KLRG1: variants seen among roughly 807,000 people sequenced by gnomAD.
The protein encoded by KLRG1 is killer cell lectin like receptor G1, also known as killer cell lectin-like receptor subfamily G member 1.
Under a neutral mutation model 21.8 loss-of-function variants are expected in KLRG1, and 16 were observed. That is an observed-to-expected ratio of 0.73 (90% CI 0.50 to 1.11). KLRG1 has a LOEUF of 1.11. KLRG1 is among the 50% of genes most tolerant of loss of function. The probability of loss-of-function intolerance (pLI) is 0.00; values close to 1 mark genes in which losing one functional copy is unlikely to be tolerated. For missense variants in KLRG1, 173 were observed against 218.3 expected (o/e 0.79, Z 1.31); for synonymous variants, 69 against 75.9 (o/e 0.91, Z 0.47).
At chr12:9,071,491 G>T in the KLRG1 span, among the ~76,000 whole-genome samples, 1 of 151,904 alleles carries the variant, frequency 6.6e-6, no homozygotes, top group African/African-American at 2.4e-5. Flanking sequence ...TTGTTATATA[G>T]GTAAACTCGT....
intron 3 of KLRG1, among the ~76,000 whole-genome samples, chr12:9,000,661 C>T (rs10400563): frequency 0.7 from 106,224 of 152,080 alleles, 37,641 homozygotes; most frequent in Admixed American, 0.75. Context: ...TCACTTAGAA[C>T]ACTGTTTTCA....
the KLRG1 span, among the ~76,000 whole-genome samples, chr12:9,037,519 GA>G: frequency 1.8e-4 from 28 of 152,132 alleles, no homozygotes; most frequent in African/African-American, 6.3e-4. Flanking sequence ...TAAACTTTAT[GA>G]AAAAAATTTT....
the KLRG1 span, chr12:9,153,354 C>T: frequency 3.5e-4 from 554 of 1,605,218 alleles, no homozygotes; most frequent in Middle Eastern, 5.4e-4. Context: ...CTGGAAGAGA[C>T]GAGTGGACAA....
chr12:9,049,904 A>G, the KLRG1 span, among the ~76,000 whole-genome samples: 4 of 152,204 alleles, frequency 2.6e-5, no homozygotes, highest in African/African-American at 9.7e-5. Flanking sequence ...GTATCAGTAT[A>G]TGTCTTTCAG....
At chr12:9,191,832 AT>A in the KLRG1 span, among the ~76,000 whole-genome samples, 1 of 152,118 alleles carries the variant, frequency 6.6e-6, no homozygotes, top group African/African-American at 2.4e-5. Flanking sequence ...CCCATTTCCC[AT>A]GATAATTACT....
the KLRG1 span, among the ~76,000 whole-genome samples, chr12:9,195,611 A>ATTTT: frequency 3.9e-4 from 41 of 104,224 alleles, no homozygotes; most frequent in African/African-American, 5.8e-4. Context: ...CCCACTGCTA[A>ATTTT]TTTTTTTTTT....
chr12:8,951,181 A>G (rs750454451), intron 1 of KLRG1, among the ~76,000 whole-genome samples: 25 of 152,078 alleles, frequency 1.6e-4, no homozygotes, highest in African/African-American at 5.8e-4. Context: ...CCTTTTTTCA[A>G]AAATGTATCA....
At chr12:9,095,207 A>G in the KLRG1 span, 1 of 548,420 alleles carries the variant, frequency 1.8e-6, no homozygotes, top group Non-Finnish European at 3.1e-6. Flanking sequence ...TAACATTCAC[A>G]TCTGTAGAAG....
chr12:9,162,439 C>A, the KLRG1 span: 9 of 610,824 alleles, frequency 1.5e-5, no homozygotes, highest in East Asian at 2.3e-4. Context: ...GGCTCAATGT[C>A]TTCATCTGTA....
the KLRG1 span, chr12:9,116,040 G>A: frequency 1.6e-6 from 1 of 626,152 alleles, no homozygotes; most frequent in Non-Finnish European, 3.0e-6. Flanking sequence ...GTCATTGATG[G>A]CCTATTTATA....
the KLRG1 span, chr12:9,112,764 T>C: frequency 1.9e-6 from 1 of 526,604 alleles, no homozygotes; most frequent in Non-Finnish European, 3.4e-6. Context: ...GTAAGTGAGA[T>C]TCACACCTTC....
chr12:9,119,705 TG>T, the KLRG1 span, among the ~76,000 whole-genome samples: 4 of 151,730 alleles, frequency 2.6e-5, no homozygotes, highest in Non-Finnish European at 5.9e-5. Flanking sequence ...CTTTTTGGAG[TG>T]AGAAGGGATG....
At chr12:9,205,370 T>C in the KLRG1 span, among the ~76,000 whole-genome samples, 1 of 152,288 alleles carries the variant, frequency 6.6e-6, no homozygotes, top group African/African-American at 2.4e-5. Context: ...TGTGTTTTTG[T>C]TGTTGCTGTT....
intron 1 of KLRG1, among the ~76,000 whole-genome samples, chr12:8,980,604 C>A (rs1243448354): frequency 1.3e-5 from 2 of 152,102 alleles, no homozygotes; most frequent in African/African-American, 2.4e-5. Context: ...CATATGGGCA[C>A]TAGTTCTAAA....
At chr12:8,966,597 C>T (rs912303702) in intron 1 of KLRG1, among the ~76,000 whole-genome samples, 3 of 152,226 alleles carry the variant, frequency 2.0e-5, no homozygotes, top group African/African-American at 4.8e-5. Context: ...CTCATCGTCA[C>T]TGGCCACCAG....
chr12:9,014,685 A>T (rs1377143185), downstream of KLRG1, among the ~76,000 whole-genome samples: 1 of 152,186 alleles, frequency 6.6e-6, no homozygotes, highest in Non-Finnish European at 1.5e-5. Context: ...CTCACTGGTA[A>T]TAGTAAGTAC....
At chr12:9,113,286 A>T in the KLRG1 span, 1 of 1,509,312 alleles carries the variant, frequency 6.6e-7, no homozygotes. Context: ...CCAAAGCCTC[A>T]TCTGACAGAA....
the KLRG1 span, among the ~76,000 whole-genome samples, chr12:9,063,601 A>C: frequency 2.6e-5 from 4 of 152,162 alleles, no homozygotes; most frequent in Non-Finnish European, 5.9e-5. Context: ...TGGGAAATCC[A>C]GTTTAAGTTG....
At chr12:9,039,991 G>A in the KLRG1 span, among the ~76,000 whole-genome samples, 3 of 152,150 alleles carry the variant, frequency 2.0e-5, no homozygotes, top group Admixed American at 1.3e-4. Flanking sequence ...CAGTAAGAAG[G>A]AAAATGGAAC....
Sources: gnomAD v4.1 joint callset for allele counts (sites outside exome capture counted in the v4.1 genomes callset) on GRCh38, gnomAD v4.1.1 for gene constraint, MANE v1.5 for transcripts, NCBI Gene and HGNC (gene_info 2026-07-23, HGNC 2026-07-21) for gene names.